The following UGP2 variants were observed in gnomAD, a reference collection of about 807,000 sequenced individuals.
UGP2 encodes the protein UDP-glucose pyrophosphorylase 2.
Under a neutral mutation model 49.0 loss-of-function variants are expected in UGP2, and 40 were observed. The observed-to-expected ratio is 0.82, with a 90% confidence interval of 0.63 to 1.06. UGP2 has a LOEUF of 1.06. Among genes scored for constraint, UGP2 ranks in the 50% least tolerant of loss-of-function variants. The pLI, the probability that UGP2 is intolerant of heterozygous loss-of-function variation, is 0.00. For missense variants in UGP2, 460 were observed against 603.5 expected, an observed-to-expected ratio of 0.76 and a Z score of 2.49; for synonymous variants, 225 against 213.0, an observed-to-expected ratio of 1.06 and a Z score of -0.49.
intron 3 of UGP2, among the ~76,000 whole-genome samples, chr2:63,871,210 C>G (rs552989558): frequency 2.4e-4 from 37 of 152,230 alleles, no homozygotes; most frequent in African/African-American, 8.4e-4. Context: ...CCTTCTACCC[C>G]CTCTCCCCTA....
chr2:63,849,267 C>G (rs1292684377), intron 1 of UGP2, among the ~76,000 whole-genome samples: 2 of 152,194 alleles, frequency 1.3e-5, no homozygotes, highest in East Asian at 3.8e-4. Flanking sequence ...GGGATCCTTT[C>G]TTTGACAGTA....
At chr2:63,849,032 G>A (rs986776855) in intron 1 of UGP2, among the ~76,000 whole-genome samples, 7 of 152,088 alleles carry the variant, frequency 4.6e-5, no homozygotes, top group Non-Finnish European at 8.8e-5. Context: ...ATGTTGTCTC[G>A]TTAATATACA....
chr2:63,886,634 TCCATTGGTCACTC>T (rs923150089), intron 7 of UGP2, 96 bp downstream of exon 7: 227 of 1,366,930 alleles, frequency 1.7e-4, no homozygotes, highest in Non-Finnish European at 2.0e-4. Flanking sequence ...TCCCATCTAT[TCCATTGGTCACTC>T]CCTTTTGCCT....
intron 3 of UGP2, among the ~76,000 whole-genome samples, chr2:63,861,290 C>G (rs1669823676): frequency 6.6e-6 from 1 of 151,632 alleles, no homozygotes; most frequent in Non-Finnish European, 1.5e-5. Context: ...CTTGGCCAAG[C>G]TTACACGTTG....
intron 1 of UGP2, among the ~76,000 whole-genome samples, chr2:63,852,297 C>T (rs1224153090): frequency 1.3e-5 from 2 of 152,162 alleles, no homozygotes; most frequent in African/African-American, 4.8e-5. Flanking sequence ...CATATCTTTC[C>T]CACCCCAAAC....
intron 2 of UGP2, 106 bp downstream of exon 2, chr2:63,856,539 A>T: frequency 7.5e-7 from 1 of 1,326,644 alleles, no homozygotes; most frequent in Non-Finnish European, 1.0e-6. Flanking sequence ...AATCAGCACA[A>T]GATGTACGAT....
At chr2:63,859,474 G>T (rs1383204048) in intron 3 of UGP2, among the ~76,000 whole-genome samples, 1 of 152,024 alleles carries the variant, frequency 6.6e-6, no homozygotes, top group Non-Finnish European at 1.5e-5. Flanking sequence ...TTTGTACTTT[G>T]AGAGATCATG....
chr2:63,856,455 T>C (rs372969642), intron 2 of UGP2, 22 bp downstream of exon 2: 1 of 1,601,258 alleles, frequency 6.2e-7, no homozygotes, highest in Non-Finnish European at 8.5e-7. Flanking sequence ...TCTACAGTGT[T>C]CCACCCCCCC....
intron 3 of UGP2, among the ~76,000 whole-genome samples, chr2:63,877,870 G>A (rs1365145510): frequency 6.6e-6 from 1 of 151,248 alleles, no homozygotes; most frequent in Non-Finnish European, 1.5e-5. Context: ...GCGGGCGCCT[G>A]TAGTCCCAGC....
chr2:63,870,070 C>T (rs1670448854), intron 3 of UGP2, among the ~76,000 whole-genome samples: 2 of 151,874 alleles, frequency 1.3e-5, no homozygotes, highest in South Asian at 4.2e-4. Flanking sequence ...CTGTAGGCGC[C>T]GGCCACCATG....
intron 3 of UGP2, among the ~76,000 whole-genome samples, chr2:63,880,935 T>C (rs776775477): frequency 6.6e-6 from 1 of 152,158 alleles, no homozygotes; most frequent in African/African-American, 2.4e-5. Context: ...CCAGCCCTTA[T>C]TTTGGTTCAT....
intron 3 of UGP2, among the ~76,000 whole-genome samples, chr2:63,873,949 C>T (rs577215987): frequency 1.3e-5 from 2 of 152,250 alleles, no homozygotes; most frequent in African/African-American, 4.8e-5. Context: ...CAGATGGCCA[C>T]CAGAATGAAC....
chr2:63,859,025 C>T (rs1234497298), intron 3 of UGP2, among the ~76,000 whole-genome samples: 2 of 150,034 alleles, frequency 1.3e-5, no homozygotes, highest in African/African-American at 2.5e-5. Flanking sequence ...TAGACAGTCT[C>T]ACTCTGTCAC....
intron 1 of UGP2, 181 bp from the exon 2 acceptor site, chr2:63,856,125 A>G (rs1415635944): frequency 2.1e-5 from 13 of 618,300 alleles, no homozygotes; most frequent in Admixed American, 3.5e-5. Flanking sequence ...AGTGGAGAAT[A>G]TGAAACTGGA....
At chr2:63,862,191 C>A (rs938109889) in intron 3 of UGP2, among the ~76,000 whole-genome samples, 1 of 151,872 alleles carries the variant, frequency 6.6e-6, no homozygotes, top group Non-Finnish European at 1.5e-5. Context: ...TGTGGAGATA[C>A]ACACACAAAT....
chr2:63,875,032 G>A (rs918476245), intron 3 of UGP2, among the ~76,000 whole-genome samples: 1 of 152,140 alleles, frequency 6.6e-6, no homozygotes, highest in Admixed American at 6.5e-5. Flanking sequence ...CATTATTCTA[G>A]GTATGACTTT....
intron 3 of UGP2, among the ~76,000 whole-genome samples, chr2:63,874,681 G>T (rs1670789066): frequency 6.6e-6 from 1 of 152,046 alleles, no homozygotes; most frequent in Admixed American, 6.5e-5. Context: ...AGGTGTTTGG[G>T]TCATGGGAAC....
At chr2:63,886,910 G>C (rs1671715723) in intron 7 of UGP2, among the ~76,000 whole-genome samples, 1 of 152,134 alleles carries the variant, frequency 6.6e-6, no homozygotes, top group Non-Finnish European at 1.5e-5. Flanking sequence ...AGAGTTTTAA[G>C]ACTGAAAAAA....
chr2:63,882,064 G>C (rs1017001106), intron 3 of UGP2, among the ~76,000 whole-genome samples: 21 of 152,224 alleles, frequency 1.4e-4, no homozygotes, highest in African/African-American at 5.1e-4. Flanking sequence ...AATTGAAGTA[G>C]AGCCACAGTA....
Sources: allele counts gnomAD v4.1 joint callset (sites outside exome capture counted in the v4.1 genomes callset), GRCh38; gene constraint gnomAD v4.1.1; transcripts MANE v1.5; gene names NCBI Gene and HGNC (gene_info 2026-07-23, HGNC 2026-07-21).